The following RBFOX1 variants were observed in gnomAD, a reference collection of about 807,000 sequenced individuals.
RBFOX1 encodes RNA binding fox-1 homolog 1.
Under a neutral mutation model 57.7 loss-of-function variants are expected in RBFOX1, and 8 were observed. The ratio of observed to expected loss-of-function variants is 0.14; its 90% confidence interval spans 0.08 to 0.25. The LOEUF is 0.25. Among genes scored for constraint, RBFOX1 ranks in the 10% least tolerant of loss-of-function variants. RBFOX1 has a pLI of 1.00. For missense variants in RBFOX1, 611 were observed against 548.5 expected (o/e 1.11, Z -1.14); for synonymous variants, 326 against 222.4 (o/e 1.47, Z -4.15).
At chr16:6,777,127 C>G (rs2079511943) in intron 3 of RBFOX1, among the ~76,000 whole-genome samples, 2 of 152,032 alleles carry the variant, frequency 1.3e-5, no homozygotes, top group African/African-American at 2.4e-5. Flanking sequence ...GATTAGTGGT[C>G]TTGTATGCGA....
At chr16:6,466,992 T>C (rs1009714103) in intron 2 of RBFOX1, among the ~76,000 whole-genome samples, 1 of 151,482 alleles carries the variant, frequency 6.6e-6, no homozygotes, top group African/African-American at 2.4e-5. Context: ...GAAATATAAA[T>C]TAATTACATT....
chr16:5,940,684 A>G (rs1435885272), intron 4 of RBFOX1, among the ~76,000 whole-genome samples: 1 of 152,270 alleles, frequency 6.6e-6, no homozygotes, highest in Non-Finnish European at 1.5e-5. Flanking sequence ...TCACCATTTC[A>G]GCAGAGCAGT....
At chr16:6,252,772 G>T (rs2097628554) in intron 1 of RBFOX1, among the ~76,000 whole-genome samples, 1 of 152,182 alleles carries the variant, frequency 6.6e-6, no homozygotes, top group Non-Finnish European at 1.5e-5. Flanking sequence ...TAGTGTGGAA[G>T]ATTTAAATTC....
At chr16:6,167,917 CA>C (rs2096929620) in intron 1 of RBFOX1, among the ~76,000 whole-genome samples, 1 of 152,134 alleles carries the variant, frequency 6.6e-6, no homozygotes, top group Admixed American at 6.5e-5. Context: ...GCCTATGCTG[CA>C]AAGATTATGG....
Position 7,322,365 on chromosome 16 carries a change from A to G in RBFOX1, c.28-195782A>G, listed in dbSNP as rs559508539. ...GTGGTGAATGCTGACTGGCAGGTTC[A>G]TAGCGTCAAAGTCACAGTGCTAGTA... On this transcript the variant is annotated intron_variant, in intron 4 of 15. Coordinates refer to ENST00000550418, the MANE Select transcript of RBFOX1 (RefSeq NM_018723.4). Among the ~76,000 whole-genome samples the G allele has an allele frequency of 2.7e-4, 41 of 152,388 alleles. No homozygotes were observed. The South Asian group carries it at 8.3e-3, about 31-fold the overall frequency.
intron 1 of RBFOX1, among the ~76,000 whole-genome samples, chr16:6,070,279 A>G (rs1351942084): frequency 6.6e-6 from 1 of 152,206 alleles, no homozygotes; most frequent in African/African-American, 2.4e-5. Context: ...CCTAAAAATA[A>G]TTTCAGGGAA....
chr16:7,053,703 A>G (rs1164945610), intron 4 of RBFOX1, among the ~76,000 whole-genome samples: 1 of 152,178 alleles, frequency 6.6e-6, no homozygotes, highest in Non-Finnish European at 1.5e-5. Flanking sequence ...TTTAGGTTCA[A>G]GAATGGAGTC....
At chr16:6,129,896 GAAACA>G (rs2096617839) in intron 1 of RBFOX1, among the ~76,000 whole-genome samples, 1 of 152,086 alleles carries the variant, frequency 6.6e-6, no homozygotes, top group South Asian at 2.1e-4. Flanking sequence ...AGTTCAGAAA[GAAACA>G]AAACAAAACA....
intron 4 of RBFOX1, among the ~76,000 whole-genome samples, chr16:7,377,500 A>G (rs1371346821): frequency 6.6e-6 from 1 of 152,240 alleles, no homozygotes; most frequent in East Asian, 1.9e-4. Context: ...TGGAAAAAAA[A>G]TACTGTAGTA....
Position 6,476,529 on chromosome 16 carries a change from C to G in RBFOX1, c.-64+159472C>G, listed in dbSNP as rs143163448. ...AGCATTGTATCTAAAAAACGACGTGCATACCTTAATTTAAAAAGACTTTAT... is the reference window on the plus strand; with the variant it reads ...AGCATTGTATCTAAAAAACGACGTGGATACCTTAATTTAAAAAGACTTTAT... On this transcript the variant is annotated intron_variant, in intron 2 of 15. Transcript: ENST00000550418. 5.3e-4 allele frequency among the ~76,000 whole-genome samples: 81 copies of G among 152,324 alleles called. No individual in the cohort carries two copies. The East Asian group carries it at 0.015, about 28-fold the overall frequency.
chr16:6,809,278 A>T (rs2087791552), intron 3 of RBFOX1, among the ~76,000 whole-genome samples: 1 of 152,142 alleles, frequency 6.6e-6, no homozygotes, highest in African/African-American at 2.4e-5. Context: ...TGCTCAATTA[A>T]ACTTCTTTAA....
intron 3 of RBFOX1, among the ~76,000 whole-genome samples, chr16:5,644,154 G>A (rs1287816312): frequency 2.6e-5 from 4 of 152,148 alleles, no homozygotes; most frequent in Admixed American, 6.5e-5. Context: ...AAATAATCGC[G>A]TCTTTCCATA....
chr16:6,707,033 T>C (rs1306736448), intron 3 of RBFOX1, among the ~76,000 whole-genome samples: 2 of 152,182 alleles, frequency 1.3e-5, no homozygotes, highest in African/African-American at 4.8e-5. Context: ...TCTCTAATGA[T>C]CCATCAGCCG....
intron 2 of RBFOX1, among the ~76,000 whole-genome samples, chr16:6,371,343 G>A (rs559899125): frequency 4.6e-5 from 7 of 152,172 alleles, no homozygotes; most frequent in Non-Finnish European, 8.8e-5. Context: ...TGTGTGGGTT[G>A]GCATTCTATT....
chr16:6,354,521 C>G (rs1046944498), intron 2 of RBFOX1, among the ~76,000 whole-genome samples: 11 of 152,192 alleles, frequency 7.2e-5, no homozygotes, highest in African/African-American at 2.7e-4. Flanking sequence ...CAAGGTCAAA[C>G]ATCTTTCCCA....
At chr16:5,572,280 T>C (rs1347085323) in intron 2 of RBFOX1, among the ~76,000 whole-genome samples, 1 of 152,226 alleles carries the variant, frequency 6.6e-6, no homozygotes, top group East Asian at 1.9e-4. Flanking sequence ...TTCATTCTTA[T>C]CTTTGAACAG....
intron 3 of RBFOX1, among the ~76,000 whole-genome samples, chr16:6,989,443 C>T (rs1344000483): frequency 6.6e-6 from 1 of 151,820 alleles, no homozygotes; most frequent in Non-Finnish European, 1.5e-5. Flanking sequence ...ACTTTTTTTC[C>T]CCACATATTG....
At chr16:6,377,419 A>G (rs2091316961) in intron 2 of RBFOX1, among the ~76,000 whole-genome samples, 1 of 152,160 alleles carries the variant, frequency 6.6e-6, no homozygotes, top group Non-Finnish European at 1.5e-5. Context: ...CTGGGGGGCC[A>G]TGGATTTCTG....
chr16:5,341,569 C>T, intron 1 of RBFOX1, among the ~76,000 whole-genome samples: 1 of 152,154 alleles, frequency 6.6e-6, no homozygotes, highest in Non-Finnish European at 1.5e-5. Context: ...CATGGCCCAG[C>T]TTCATGGACA....
Sources: allele counts gnomAD v4.1 joint callset (sites outside exome capture counted in the v4.1 genomes callset), GRCh38; gene constraint gnomAD v4.1.1; transcripts MANE v1.5; gene names NCBI Gene and HGNC (gene_info 2026-07-23, HGNC 2026-07-21).